CCDC110: variants seen among roughly 807,000 people sequenced by gnomAD.
CCDC110 encodes coiled-coil domain-containing protein 110.
CCDC110 carries 70 observed loss-of-function variants against 77.1 expected under a neutral mutation model. The observed-to-expected ratio is 0.91, with a 90% CI of 0.75 to 1.11. The LOEUF (loss-of-function observed/expected upper bound fraction) is 1.11. Among genes scored for constraint, CCDC110 ranks in the 50% least tolerant of loss-of-function variants. CCDC110 has a pLI of 0.00. For missense variants in CCDC110, 868 were observed against 942.9 expected (o/e 0.92, Z 1.04); for synonymous variants, 295 against 312.5 (o/e 0.94, Z 0.59).
chr4:185,457,892 T>G (rs1277609762), intron 6 of CCDC110: 1 of 849,628 alleles, frequency 1.2e-6, no homozygotes, highest in Non-Finnish European at 1.7e-6. Flanking sequence ...TCCCTCTTGC[T>G]CACTGCCAAA....
At position 185,459,040 on chromosome 4, in the gene CCDC110, T is replaced by C. The variant is rs373712923; in HGVS notation, c.1547A>G (p.Asn516Ser). ...KEFKKIISKY[N>S]VLQGQNKTLE... ...AGTTTTATTTTGGCCTTGCAGAACA[T>C]TATATTTACTAATTATTTTTTTAAA... The change falls in exon 6 of 7, where the codon AAT (asparagine) becomes AGT (serine). Residue 516 changes from asparagine (N) to serine (S), a missense_variant. Transcript: ENST00000307588. 7 of 1,572,650 alleles carry C rather than the reference T, an allele frequency of 4.5e-6. No individual in the cohort carries two copies. Among genetic ancestry groups the C allele is most frequent in the African/African-American group, 4.1e-5 (3 of 73,232 alleles).
intron 6 of CCDC110, among the ~76,000 whole-genome samples, chr4:185,451,965 C>T (rs1385678516): frequency 6.6e-6 from 1 of 152,090 alleles, no homozygotes; most frequent in South Asian, 2.1e-4. Flanking sequence ...TGTATTGTGT[C>T]GGTTTACAGA....
chr4:185,464,304 C>T lies in CCDC110; in HGVS notation c.116-1255G>A, dbSNP rs577492926. 1.6e-3 allele frequency among the ~76,000 whole-genome samples: 245 copies of T among 152,230 alleles called. 1 individual carries two copies. The highest frequency in any genetic ancestry group is 5.2e-3 in the African/African-American group (216 of 41,532). Reference sequence around the variant, plus strand: ...CTGACCCTCACCACCAAAGGGGCAACGCTGGTTTGGAGCCTGGAGCTGCCT... The same window carrying T: ...CTGACCCTCACCACCAAAGGGGCAATGCTGGTTTGGAGCCTGGAGCTGCCT... On this transcript the variant is annotated intron_variant, in intron 2 of 6. Coordinates refer to ENST00000307588, the MANE Select transcript of CCDC110 (RefSeq NM_152775.4).
At chr4:185,452,456 A>G (rs2095630496) in intron 6 of CCDC110, 2 of 813,526 alleles carry the variant, frequency 2.5e-6, no homozygotes, top group Non-Finnish European at 3.0e-6. Context: ...AGAAGCTCTG[A>G]TAAGAACTGG....
intron 6 of CCDC110, among the ~76,000 whole-genome samples, chr4:185,445,944 C>G (rs112466608): frequency 1.3e-5 from 2 of 152,090 alleles, no homozygotes; most frequent in Admixed American, 6.5e-5. Flanking sequence ...CAGGTTCAAG[C>G]GATTCTCCTG....
At chr4:185,457,504 T>C (rs1290016220) in intron 6 of CCDC110, among the ~76,000 whole-genome samples, 1 of 152,198 alleles carries the variant, frequency 6.6e-6, no homozygotes, top group Non-Finnish European at 1.5e-5. Context: ...TAACAAACTC[T>C]CCTTAATCTC....
intron 2 of CCDC110, among the ~76,000 whole-genome samples, chr4:185,466,762 C>T (rs1286397586): frequency 5.3e-5 from 8 of 151,062 alleles, no homozygotes; most frequent in Admixed American, 4.6e-4. Flanking sequence ...TTTTTTTAAA[C>T]CACAGGACAT....
intron 6 of CCDC110, chr4:185,449,587 C>A: frequency 6.6e-7 from 1 of 1,525,706 alleles, no homozygotes; most frequent in Non-Finnish European, 8.8e-7. Flanking sequence ...GTTTATTTTC[C>A]AATTTTAGGG....
At chr4:185,447,336 C>T (rs2095615981) in intron 6 of CCDC110, among the ~76,000 whole-genome samples, 4 of 152,094 alleles carry the variant, frequency 2.6e-5, no homozygotes, top group South Asian at 2.1e-4. Flanking sequence ...CGCCCGCCAC[C>T]ACGCCCGGCT....
intron 6 of CCDC110, among the ~76,000 whole-genome samples, chr4:185,451,082 C>G (rs547469881): frequency 8.5e-5 from 13 of 152,236 alleles, no homozygotes; most frequent in Non-Finnish European, 1.8e-4. Flanking sequence ...CTCCCGAGAT[C>G]TGATGATTTT....
intron 6 of CCDC110, chr4:185,457,849 G>T (rs994732213): frequency 1.3e-5 from 16 of 1,229,694 alleles, no homozygotes; most frequent in Non-Finnish European, 1.7e-5. Context: ...TTTAAGGTGG[G>T]AGTGCTACTT....
rs1430524522 is a variant in CCDC110, at chr4:185,459,369, T to C, written c.1218A>G (p.Ser406=). The C allele has an allele frequency of 6.2e-7, 1 of 1,611,926 alleles. No individual in the cohort carries two copies. The highest frequency in any genetic ancestry group is 1.1e-5 in the South Asian group (1 of 90,450). The change falls in exon 6 of 7, where the codon TCA becomes TCG. Residue 406 remains serine, a synonymous_variant. Transcript: ENST00000307588. The stretch of plus-strand genomic sequence containing the variant: ...AAGTTTTCTCATTTTCAGATATTAT[T>C]GATCCTTGTTTTACTAGAAATGGTT... ...ERQPFLVKQG[S]IISENEKTSK... is the part of the protein sequence containing the mutation.
chr4:185,449,470 C>G (rs985682077), intron 6 of CCDC110: 1 of 556,640 alleles, frequency 1.8e-6, no homozygotes, highest in Non-Finnish European at 3.1e-6. Context: ...TTGCAGTGAA[C>G]TGTGATTGCA....
At chr4:185,471,255 TTG>T (rs2095666479) in intron 1 of CCDC110, among the ~76,000 whole-genome samples, 1 of 33,042 alleles carries the variant, frequency 3.0e-5, no homozygotes, top group African/African-American at 9.8e-5. Flanking sequence ...GGGGGCGGGT[TTG>T]AAGGCTGGGG....
chr4:185,469,543 G>A (rs922523592), intron 2 of CCDC110, among the ~76,000 whole-genome samples: 1 of 152,214 alleles, frequency 6.6e-6, no homozygotes, highest in Non-Finnish European at 1.5e-5. Context: ...CTCTCTTTGA[G>A]GTAAATACGG....
In CCDC110 at chr4:185,460,021, T is replaced by G. The variant is rs746707965; in HGVS notation, c.566A>C (p.Glu189Ala). The G allele has an allele frequency of 6.2e-7, 1 of 1,613,316 alleles. No homozygotes were observed. The part of the protein sequence containing the change: ...LSSNIIIHPS[E>A]NSDILKNYNN... ...ATAATTCTTCAAGATGTCAGAATTT[T>G]CTGAAGGGTGTATAATTATGTTTGA... Residue 189 changes from glutamate to alanine, a missense_variant, in exon 6 of 7, where the codon GAA (glutamate) becomes GCA (alanine). Physicochemically the swap from Glu to Ala is moderately radical, Grantham distance 107 (BLOSUM62 -1). Coordinates refer to ENST00000307588, the MANE Select transcript of CCDC110 (RefSeq NM_152775.4).
intron 6 of CCDC110, among the ~76,000 whole-genome samples, chr4:185,450,945 C>CCCCA (rs984545321): frequency 9.9e-5 from 15 of 152,100 alleles, no homozygotes; most frequent in African/African-American, 2.7e-4. Context: ...TTTGCTGTGT[C>CCCCA]CCCACCCAAA....
intron 2 of CCDC110, 109 bp downstream of exon 2, chr4:185,470,836 G>A: frequency 9.8e-6 from 8 of 818,614 alleles, no homozygotes; most frequent in South Asian, 9.4e-5. Flanking sequence ...GGTGGCTGCT[G>A]TCCGTGTCAT....
chr4:185,465,952 A>G (rs188288406), intron 2 of CCDC110, among the ~76,000 whole-genome samples: 1 of 152,198 alleles, frequency 6.6e-6, no homozygotes, highest in Non-Finnish European at 1.5e-5. Context: ...GAGTAGGAAC[A>G]TACTTTAGGA....
Sources: allele counts gnomAD v4.1 joint callset (sites outside exome capture counted in the v4.1 genomes callset), GRCh38; gene constraint gnomAD v4.1.1; transcripts MANE v1.5; gene names NCBI Gene and HGNC (gene_info 2026-07-23, HGNC 2026-07-21).